Variants in ITSN1 observed in about 807,000 individuals in gnomAD.
The protein encoded by ITSN1 is intersectin-1.
In ITSN1, 58 loss-of-function variants were observed where a neutral mutation model predicts 239.8. The observed-to-expected ratio is 0.24, with a 90% CI of 0.20 to 0.30. ITSN1 has a LOEUF of 0.30. Ranked by LOEUF, ITSN1 falls within the 10% of genes least tolerant of loss-of-function variation. The probability of loss-of-function intolerance (pLI) is 1.00; values close to 1 mark genes in which losing one functional copy is unlikely to be tolerated. For synonymous variants in ITSN1, 780 were observed against 770.8 expected, an observed-to-expected ratio of 1.01 and a Z score of -0.20; for missense variants, 1,558 against 2,103.3, an observed-to-expected ratio of 0.74 and a Z score of 5.07.
At chr21:33,722,453 CT>C in intron 3 of ITSN1, 134 bp from the exon 4 acceptor site, 1 of 1,137,744 alleles carries the variant, frequency 8.8e-7, no homozygotes, top group South Asian at 2.2e-5. Context: ...TATCCTTGGA[CT>C]TTTATAATGC....
chr21:33,833,478 G>T (rs1310254978), intron 27 of ITSN1, among the ~76,000 whole-genome samples: 1 of 152,202 alleles, frequency 6.6e-6, no homozygotes, highest in Non-Finnish European at 1.5e-5. Flanking sequence ...TGGCCTTGGG[G>T]CTGTCACTCA....
intron 33 of ITSN1, 131 bp downstream of exon 33, chr21:33,867,462 T>C: frequency 3.1e-6 from 2 of 643,328 alleles, no homozygotes; most frequent in Non-Finnish European, 2.8e-6. Context: ...CAACAAGGTG[T>C]CACAGAGGTC....
rs762200492 is a variant in ITSN1 at position 33,648,342 on chromosome 21, CA to C, written c.-33+5630del. Among the ~76,000 whole-genome samples, 46 of 152,316 alleles carry C rather than the reference CA, an allele frequency of 3.0e-4. No homozygotes were observed. The East Asian group carries it at 5.0e-3, about 17-fold the overall frequency. The stretch of plus-strand genomic sequence containing the variant: ...ACTAGGGTACCAGCAATTAGAGAGC[CA>C]GCAAGTGTCTGAGCAGATTTTTACT... On this transcript the variant is annotated intron_variant, in intron 1 of 39. Coordinates refer to ENST00000381318, the MANE Select transcript of ITSN1 (RefSeq NM_003024.3).
At chr21:33,698,469 A>G (rs2091888453) in intron 1 of ITSN1, among the ~76,000 whole-genome samples, 1 of 152,216 alleles carries the variant, frequency 6.6e-6, no homozygotes, top group South Asian at 2.1e-4. Context: ...CAGTTTTAGT[A>G]ATAAGATTCT....
chr21:33,811,037 G>A lies in ITSN1; in HGVS notation c.2382G>A (p.Gly794=). ...GAGGAGAATTAAAAGGAAAGACAGG[G>A]TGGTTCCCTGCAAACTATGCAGAGA... ...WLGGELKGKT[G]WFPANYAEKI... is the part of the protein sequence containing the mutation. Residue 794 remains glycine, a synonymous_variant, in exon 21 of 40, where the codon GGG becomes GGA. Coordinates refer to ENST00000381318, the MANE Select transcript of ITSN1 (RefSeq NM_003024.3). The A allele has an allele frequency of 4.3e-6, 7 of 1,614,196 alleles. No homozygotes were observed. The highest frequency in any genetic ancestry group is 5.9e-6 in the Non-Finnish European group (7 of 1,180,040).
chr21:33,752,393 A>G (rs2067614662), intron 7 of ITSN1, among the ~76,000 whole-genome samples: 1 of 152,234 alleles, frequency 6.6e-6, no homozygotes, highest in African/African-American at 2.4e-5. Context: ...TTTATTATGA[A>G]AAGAATTATC....
chr21:33,760,885 C>T (rs2068269054), intron 8 of ITSN1, among the ~76,000 whole-genome samples: 1 of 152,182 alleles, frequency 6.6e-6, no homozygotes, highest in South Asian at 2.1e-4. Context: ...TTATTTCTCC[C>T]TCTCTGACTG....
At chr21:33,791,699 C>A (rs937154713) in intron 16 of ITSN1, among the ~76,000 whole-genome samples, 15 of 152,058 alleles carry the variant, frequency 9.9e-5, no homozygotes, top group Non-Finnish European at 2.9e-5. Context: ...CGGTATAATT[C>A]TTGGGGAAAA....
chr21:33,701,668 AC>A (rs942916959), intron 1 of ITSN1, among the ~76,000 whole-genome samples: 2 of 151,436 alleles, frequency 1.3e-5, no homozygotes, highest in African/African-American at 4.9e-5. Context: ...GGTGGCACGC[AC>A]CTGTAATCCC....
At chr21:33,661,785 T>C (rs193257120) in intron 1 of ITSN1, among the ~76,000 whole-genome samples, 1 of 152,256 alleles carries the variant, frequency 6.6e-6, no homozygotes, top group Admixed American at 6.5e-5. Context: ...GGTTTCCCCT[T>C]TCATTTGGCT....
Position 33,894,917 on chromosome 21 carries a change from T to C in ITSN1, c.*6617T>C, listed in dbSNP as rs1986608731. On this transcript the variant is annotated 3_prime_UTR_variant, in exon 40 of 40. Coordinates refer to ENST00000381318, the MANE Select transcript of ITSN1 (RefSeq NM_003024.3). ...CCTGTAGGAGGAGGAAACTCGCTGT[T>C]TTCACTGGCAGATTTCAAGGTGCCG... 1 of 152,196 alleles carries C rather than the reference T, an allele frequency of 6.6e-6. No homozygotes were observed. The highest frequency in any genetic ancestry group is 6.5e-5 in the Admixed American group (1 of 15,278). The allele number at this position is 152,196 out of a possible 1,614,324, so 9.4% of individuals were successfully genotyped here.
At chr21:33,778,571 CTTTTTTTTT>C (rs397948229) in intron 14 of ITSN1, among the ~76,000 whole-genome samples, 6 of 63,952 alleles carry the variant, frequency 9.4e-5, no homozygotes, top group East Asian at 1.0e-3. Flanking sequence ...ATAATATTCT[CTTTTTTTTT>C]TTTTTTTTTT....
intron 26 of ITSN1, 32 bp from the exon 27 acceptor site, chr21:33,829,592 A>G: frequency 1.2e-6 from 2 of 1,610,714 alleles, no homozygotes; most frequent in Non-Finnish European, 1.7e-6. Flanking sequence ...GACTCTTAAC[A>G]GTGCACTGCC....
At chr21:33,705,911 A>AT (rs1417600921) in intron 1 of ITSN1, among the ~76,000 whole-genome samples, 1 of 151,762 alleles carries the variant, frequency 6.6e-6, no homozygotes, top group Non-Finnish European at 1.5e-5. Flanking sequence ...AGCAGCTTTA[A>AT]TTTTTTTTCT....
intron 21 of ITSN1, 149 bp from the exon 22 acceptor site, chr21:33,813,764 T>C: frequency 3.4e-6 from 2 of 582,658 alleles, no homozygotes; most frequent in Non-Finnish European, 2.9e-6. Context: ...TTTTATTTAT[T>C]TATTTATTTT....
chr21:33,829,208 C>T (rs1042365162), intron 26 of ITSN1: 1 of 358,886 alleles, frequency 2.8e-6, no homozygotes, highest in African/African-American at 2.1e-5. Flanking sequence ...CCTTTAGTCA[C>T]TTCAAAGTAG....
At chr21:33,658,995 G>T (rs892831120) in intron 1 of ITSN1, among the ~76,000 whole-genome samples, 4 of 152,086 alleles carry the variant, frequency 2.6e-5, no homozygotes, top group Non-Finnish European at 5.9e-5. Flanking sequence ...CTCAGAATTG[G>T]GGGTGGTCCG....
Position 33,885,537 on chromosome 21 carries a change from C to T in ITSN1, c.4843+15C>T, listed in dbSNP as rs376510502. ...TCGGTCACATGGTAAGGCTGTGAGG[C>T]GCCCCCGGCTCCTGCTTTGGGGTTG... On this transcript the variant is annotated intron_variant, in intron 38 of 39. Transcript: ENST00000381318. The T allele has an allele frequency of 3.3e-5, 53 of 1,609,486 alleles. No individual in the cohort carries two copies. The highest frequency in any genetic ancestry group is 1.6e-4 in the Middle Eastern group (1 of 6,076).
At chr21:33,822,491 C>T (rs1287881341) in intron 24 of ITSN1, among the ~76,000 whole-genome samples, 1 of 152,010 alleles carries the variant, frequency 6.6e-6, no homozygotes, top group African/African-American at 2.4e-5. Context: ...AAATAAGAAA[C>T]CTGTGCATCT....
Sources: allele counts gnomAD v4.1 joint callset (sites outside exome capture counted in the v4.1 genomes callset), GRCh38; gene constraint gnomAD v4.1.1; transcripts MANE v1.5; gene names NCBI Gene and HGNC (gene_info 2026-07-23, HGNC 2026-07-21).